TNIK: variants seen among roughly 807,000 people sequenced by gnomAD.
TNIK encodes TRAF2 and NCK-interacting protein kinase.
In TNIK, 49 loss-of-function variants were observed where a neutral mutation model predicts 191.3. The ratio of observed to expected loss-of-function variants is 0.26; its 90% CI spans 0.20 to 0.32. TNIK has a LOEUF of 0.32. Ranked by LOEUF, TNIK falls within the 10% of genes least tolerant of loss-of-function variation. TNIK has a pLI of 1.00. For synonymous variants in TNIK, 594 were observed against 600.9 expected (o/e 0.99, Z 0.17); for missense variants, 1,155 against 1,702.3 (o/e 0.68, Z 5.66).
Position 171,327,114 on chromosome 3 carries a change from C to G in TNIK, c.123+42506G>C, listed in dbSNP as rs145408494. On this transcript the variant is annotated intron_variant, in intron 2 of 32. Transcript: ENST00000436636. ...TTTAAGATAAAAATGATTTCTGGGACAATTAGGGGGTCTGTTATGCAATTA... is the reference window on the plus strand; with the variant it reads ...TTTAAGATAAAAATGATTTCTGGGAGAATTAGGGGGTCTGTTATGCAATTA... Among the ~76,000 whole-genome samples, 9 of 152,262 alleles carry G rather than the reference C, an allele frequency of 5.9e-5. No individual in the cohort carries two copies. In the East Asian group the frequency reaches 1.7e-3, roughly 29 times the overall value.
chr3:171,123,466 C>T lies in TNIK; in HGVS notation c.2120+130G>A, dbSNP rs986353300. On this transcript the variant is annotated intron_variant, in intron 18 of 32. Coordinates refer to ENST00000436636, the MANE Select transcript of TNIK (RefSeq NM_015028.4). ...AAAGGCATGTGTTCTGGACCATCAA[C>T]GTTTATAGTGCACATGGAAAGTCAA... is the stretch of plus-strand genomic sequence containing the variant. The T allele has an allele frequency of 7.9e-6, 5 of 634,890 alleles. No homozygotes were observed. In the Admixed American group the frequency reaches 1.0e-4, roughly 13 times the overall value. The allele number at this position is 634,890 out of a possible 1,614,324, so 39.3% of individuals were successfully genotyped here. A position where few individuals can be genotyped will look rare whatever the true frequency, so the allele number is the denominator to read the frequency against.
At chr3:171,398,990 A>C (rs1276636395) in intron 1 of TNIK, among the ~76,000 whole-genome samples, 1 of 152,142 alleles carries the variant, frequency 6.6e-6, no homozygotes, top group Non-Finnish European at 1.5e-5. Context: ...TCTCACCCAC[A>C]GTAGGTCACT....
intron 2 of TNIK, among the ~76,000 whole-genome samples, chr3:171,266,498 C>A (rs1398138876): frequency 6.6e-6 from 1 of 152,146 alleles, no homozygotes; most frequent in African/African-American, 2.4e-5. Flanking sequence ...CAGGCTGTCA[C>A]CTGGGCACAC....
At chr3:171,177,434 G>T in intron 7 of TNIK, 54 bp from the exon 8 acceptor site, 1 of 1,557,108 alleles carries the variant, frequency 6.4e-7, no homozygotes, top group South Asian at 1.2e-5. Flanking sequence ...AGGACAACTT[G>T]GTTAAACCTG....
At chr3:171,304,395 C>A (rs1216892582) in intron 2 of TNIK, among the ~76,000 whole-genome samples, 1 of 152,122 alleles carries the variant, frequency 6.6e-6, no homozygotes, top group South Asian at 2.1e-4. Context: ...AATAGGAACA[C>A]TTTTACACTG....
chr3:171,406,234 T>C (rs1721657878), intron 1 of TNIK, among the ~76,000 whole-genome samples: 1 of 152,136 alleles, frequency 6.6e-6, no homozygotes, highest in East Asian at 1.9e-4. Context: ...CATTCCGTAA[T>C]CTCGGAATCC....
intron 15 of TNIK, among the ~76,000 whole-genome samples, chr3:171,130,669 G>A (rs1729118377): frequency 6.6e-6 from 1 of 152,018 alleles, no homozygotes; most frequent in African/African-American, 2.4e-5. Flanking sequence ...TTTGAAAGAA[G>A]GTTAATATTT....
At position 171,177,296 on chromosome 3, in the gene TNIK, A is replaced by G. The variant is rs1736086427; in HGVS notation, c.694+30T>C. The G allele has an allele frequency of 2.5e-6, 4 of 1,596,684 alleles. No individual in the cohort carries two copies. The African/African-American group carries it at 4.0e-5, about 16-fold the overall frequency. On this transcript the variant is annotated intron_variant, in intron 8 of 32. Transcript: ENST00000436636. ...TCAGTACCTGCAGAGCAGACCAGCA[A>G]CAGATTTCACCCCAGAGGAGGGTAC...
chr3:171,239,153 C>T (rs982887024), intron 2 of TNIK, among the ~76,000 whole-genome samples: 20 of 152,190 alleles, frequency 1.3e-4, no homozygotes, highest in African/African-American at 3.9e-4. Context: ...CTTCATACTA[C>T]GTGTTCTTTC....
At chr3:171,210,850 T>TG (rs1467489175) in intron 4 of TNIK, among the ~76,000 whole-genome samples, 4 of 56,354 alleles carry the variant, frequency 7.1e-5, no homozygotes, top group East Asian at 1.3e-3. Flanking sequence ...TGTCAATTAG[T>TG]GAAAAAAAAA....
chr3:171,109,623 C>CTT (rs1725532348), intron 19 of TNIK, among the ~76,000 whole-genome samples: 1 of 152,160 alleles, frequency 6.6e-6, no homozygotes, highest in Non-Finnish European at 1.5e-5. Context: ...TCTCATGAGG[C>CTT]TTTCATCAGA....
intron 2 of TNIK, among the ~76,000 whole-genome samples, chr3:171,345,584 G>T (rs964527292): frequency 1.4e-4 from 16 of 111,286 alleles, no homozygotes; most frequent in African/African-American, 1.2e-3. Context: ...TACAATCATA[G>T]GGTGGGAACT....
chr3:171,412,925 C>G (rs1722591786), intron 1 of TNIK, among the ~76,000 whole-genome samples: 2 of 152,274 alleles, frequency 1.3e-5, no homozygotes, highest in Admixed American at 6.5e-5. Context: ...AAATGAAACA[C>G]AAGAATGGGA....
chr3:171,341,937 G>A (rs1324910738), intron 2 of TNIK, among the ~76,000 whole-genome samples: 1 of 152,070 alleles, frequency 6.6e-6, no homozygotes, highest in African/African-American at 2.4e-5. Context: ...CCATCCCAAA[G>A]TAATATTCCT....
At chr3:171,443,644 C>T (rs1392578021) in intron 1 of TNIK, among the ~76,000 whole-genome samples, 1 of 150,866 alleles carries the variant, frequency 6.6e-6, no homozygotes, top group Non-Finnish European at 1.5e-5. Flanking sequence ...TAGGGAGACC[C>T]CCCATCTCTA....
At chr3:171,341,281 T>C (rs1212553302) in intron 2 of TNIK, among the ~76,000 whole-genome samples, 1 of 151,904 alleles carries the variant, frequency 6.6e-6, no homozygotes, top group African/African-American at 2.4e-5. Context: ...GAGACCAGAC[T>C]GGCTAACATG....
intron 1 of TNIK, among the ~76,000 whole-genome samples, chr3:171,375,310 C>T (rs538922501): frequency 2.0e-5 from 3 of 152,082 alleles, no homozygotes; most frequent in East Asian, 3.9e-4. Flanking sequence ...AAATTCAGTC[C>T]GCATTTTATA....
chr3:171,395,241 C>T (rs575814762), intron 1 of TNIK, among the ~76,000 whole-genome samples: 3 of 152,248 alleles, frequency 2.0e-5, no homozygotes, highest in South Asian at 4.2e-4. Flanking sequence ...GGTGAAATTC[C>T]GGATCTATCC....
chr3:171,443,226 A>G lies in TNIK; in HGVS notation c.57+16781T>C, dbSNP rs1373204133. Among the ~76,000 whole-genome samples the G allele has an allele frequency of 4.6e-5, 7 of 152,204 alleles. No homozygotes were observed. In the East Asian group the frequency reaches 9.6e-4, roughly 21 times the overall value. On this transcript the variant is annotated intron_variant, in intron 1 of 32. Coordinates refer to ENST00000436636, the MANE Select transcript of TNIK (RefSeq NM_015028.4). ...CATTCCAGAGTAAGACACCAGCAAC[A>G]GAACCACCTGGTTCCACTGCTACCC...
Sources: gnomAD v4.1 joint callset for allele counts (sites outside exome capture counted in the v4.1 genomes callset) on GRCh38, gnomAD v4.1.1 for gene constraint, MANE v1.5 for transcripts, NCBI Gene and HGNC (gene_info 2026-07-23, HGNC 2026-07-21) for gene names.